The following MTMR12 variants were observed in gnomAD, a reference collection of about 807,000 sequenced individuals.
MTMR12 encodes myotubularin-related protein 12.
A neutral mutation model predicts 96.7 loss-of-function variants in MTMR12; 33 were observed. The ratio of observed to expected loss-of-function variants is 0.34; its 90% CI spans 0.26 to 0.46. The LOEUF is 0.46. Ranked by LOEUF, MTMR12 falls within the 20% of genes least tolerant of loss-of-function variation. The pLI is 1.00. For synonymous variants in MTMR12, 298 were observed against 327.2 expected (o/e 0.91, Z 0.96); for missense variants, 721 against 896.1 (o/e 0.80, Z 2.49).
chr5:32,242,254 A>T lies in MTMR12; in HGVS notation c.1101-127T>A, dbSNP rs1299928194. 1.3e-5 allele frequency: 7 copies of T among 529,620 alleles called. No individual in the cohort carries two copies. In the African/African-American group the frequency reaches 1.3e-4, roughly 10 times the overall value. The allele number at this position is 529,620 out of a possible 1,614,324, so 32.8% of individuals were successfully genotyped here. On this transcript the variant is annotated intron_variant, in intron 11 of 15. Transcript: ENST00000382142. Reference sequence around the variant, plus strand: ...CTCTTATTTTTTTTTTTTCCACGCTAAAATCCTCTAGAAAAGAAACGAACT... The same window carrying T: ...CTCTTATTTTTTTTTTTTCCACGCTTAAATCCTCTAGAAAAGAAACGAACT...
intron 10 of MTMR12, 144 bp downstream of exon 10, chr5:32,247,858 A>G (rs955056829): frequency 6.6e-6 from 9 of 1,369,454 alleles, no homozygotes; most frequent in Middle Eastern, 1.9e-4. Context: ...AATGGCAGCC[A>G]GACCCCTGGC....
chr5:32,297,410 G>C (rs1000425685), intron 1 of MTMR12, among the ~76,000 whole-genome samples: 1 of 152,132 alleles, frequency 6.6e-6, no homozygotes, highest in Non-Finnish European at 1.5e-5. Flanking sequence ...TGTTCTTTCA[G>C]TTGTAACAAG....
At chr5:32,295,283 TC>T (rs1750883248) in intron 1 of MTMR12, among the ~76,000 whole-genome samples, 1 of 152,206 alleles carries the variant, frequency 6.6e-6, no homozygotes, top group Admixed American at 6.5e-5. Context: ...CAACAATTAC[TC>T]TGACAACAAA....
intron 6 of MTMR12, among the ~76,000 whole-genome samples, chr5:32,263,694 G>A (rs1479222143): frequency 6.6e-6 from 1 of 152,092 alleles, no homozygotes; most frequent in African/African-American, 2.4e-5. Context: ...TGCCTCAGGT[G>A]CCCAAAGTGC....
intron 10 of MTMR12, among the ~76,000 whole-genome samples, chr5:32,246,169 A>AGTTTTTTTT: frequency 7.6e-6 from 1 of 130,806 alleles, no homozygotes; most frequent in African/African-American, 3.0e-5. Flanking sequence ...TTGAGTAGAC[A>AGTTTTTTTT]GTTTTTTTTT....
chr5:32,238,049 C>T (rs1248831789), intron 13 of MTMR12, among the ~76,000 whole-genome samples: 1 of 143,442 alleles, frequency 7.0e-6, no homozygotes, highest in Non-Finnish European at 1.5e-5. Flanking sequence ...GAGGCTGAGG[C>T]AGGAGATAAG....
intron 4 of MTMR12, 146 bp from the exon 5 acceptor site, chr5:32,271,093 A>G: frequency 1.1e-6 from 1 of 947,794 alleles, no homozygotes; most frequent in Non-Finnish European, 1.5e-6. Context: ...GTGACTGCCA[A>G]AGGAAGCCCA....
rs545141452 is a variant in MTMR12 at position 32,227,249 on chromosome 5, T to A, written c.*2529A>T. On this transcript the variant is annotated 3_prime_UTR_variant, in exon 16 of 16. Transcript: ENST00000382142. ...AGTAAATTAATTTACATTTCCAAAC[T>A]TGCACAGTACAGCATTTTAAACAAA... The A allele has an allele frequency of 9.8e-5, 15 of 152,802 alleles. No homozygotes were observed. Among genetic ancestry groups the A allele is most frequent in the African/African-American group, 3.6e-4 (15 of 41,590 alleles). The allele number at this position is 152,802 out of a possible 1,614,324, so 9.5% of individuals were successfully genotyped here. A position where few individuals can be genotyped will look rare whatever the true frequency, so the allele number is the denominator to read the frequency against.
At chr5:32,257,712 G>A (rs1389204038) in intron 7 of MTMR12, among the ~76,000 whole-genome samples, 2 of 151,962 alleles carry the variant, frequency 1.3e-5, no homozygotes, top group Non-Finnish European at 2.9e-5. Flanking sequence ...AGCTTGCAGT[G>A]AGCCAAGATT....
chr5:32,309,589 G>A (rs1751498353), intron 1 of MTMR12: 1 of 151,762 alleles, frequency 6.6e-6, no homozygotes, highest in Non-Finnish European at 1.5e-5. Context: ...ATATACAAAT[G>A]GCAAAAAAAG....
At chr5:32,285,375 G>T (rs1296901185) in intron 1 of MTMR12, among the ~76,000 whole-genome samples, 1 of 141,968 alleles carries the variant, frequency 7.0e-6, no homozygotes, top group African/African-American at 2.6e-5. Context: ...AAAAAAAAAA[G>T]AGGGAACAGA....
chr5:32,308,247 G>C (rs926072376), intron 1 of MTMR12, among the ~76,000 whole-genome samples: 1 of 152,100 alleles, frequency 6.6e-6, no homozygotes, highest in Admixed American at 6.5e-5. Flanking sequence ...GCCTGAACCT[G>C]GGAGGCGGAG....
intron 9 of MTMR12, 69 bp from the exon 10 acceptor site, chr5:32,248,195 C>G (rs1581599679): frequency 6.5e-7 from 1 of 1,542,772 alleles, no homozygotes; most frequent in South Asian, 1.2e-5. Context: ...TTACTACGTG[C>G]CACAATCTGT....
At chr5:32,281,140 C>T (rs752298183) in intron 1 of MTMR12, among the ~76,000 whole-genome samples, 1 of 149,898 alleles carries the variant, frequency 6.7e-6, no homozygotes, top group African/African-American at 2.5e-5. Context: ...CCCAGCTACT[C>T]GGGAGGCTGA....
intron 1 of MTMR12, among the ~76,000 whole-genome samples, chr5:32,284,723 G>A (rs992581078): frequency 2.0e-5 from 3 of 152,148 alleles, no homozygotes; most frequent in Non-Finnish European, 2.9e-5. Flanking sequence ...TGTGAAACAC[G>A]AGGTAACATT....
At chr5:32,242,227 C>A in intron 11 of MTMR12, 100 bp from the exon 12 acceptor site, 4 of 718,732 alleles carry the variant, frequency 5.6e-6, no homozygotes, top group Non-Finnish European at 8.7e-6. Flanking sequence ...CTTCAGTCTT[C>A]TCTCTTATTT....
chr5:32,267,295 G>A (rs1749637697), intron 6 of MTMR12, among the ~76,000 whole-genome samples: 1 of 150,238 alleles, frequency 6.7e-6, no homozygotes, highest in Non-Finnish European at 1.5e-5. Flanking sequence ...AGAATTGCTT[G>A]AACCCGGAAG....
intron 6 of MTMR12, among the ~76,000 whole-genome samples, chr5:32,266,748 T>C (rs546702003): frequency 1.3e-5 from 2 of 149,100 alleles, no homozygotes; most frequent in South Asian, 2.1e-4. Flanking sequence ...AAAAAGTACA[T>C]AGGACTCAGG....
In MTMR12 at chr5:32,233,473, A is replaced by AACACACACACACACACACACACAC. The variant is rs752327449; in HGVS notation, c.1674+276_1674+299dup. Among the ~76,000 whole-genome samples, 1 of 59,934 alleles carries AACACACACACACACACACACACAC rather than the reference A, an allele frequency of 1.7e-5. No individual in the cohort carries two copies. The highest frequency in any genetic ancestry group is 4.6e-5 in the African/African-American group (1 of 21,724). The allele number at this position is 59,934 out of a possible 152,430, so 39.3% of individuals were successfully genotyped here. On this transcript the variant is annotated intron_variant, in intron 15 of 15. Transcript: ENST00000382142. The surrounding 1 kb of genome is among the most constrained non-coding windows in gnomAD (Gnocchi z 5.0). ...CTCTACTAACACACACACACACACAAACACACACACACACACACACACACA... is the reference window on the plus strand; with the variant it reads ...CTCTACTAACACACACACACACACAAACACACACACACACACACACACACACACACACACACACACACACACACA...
Sources: allele counts gnomAD v4.1 joint callset (sites outside exome capture counted in the v4.1 genomes callset), GRCh38; gene constraint gnomAD v4.1.1; non-coding constraint Gnocchi (gnomAD v3.1); transcripts MANE v1.5; gene names NCBI Gene and HGNC (gene_info 2026-07-23, HGNC 2026-07-21).